Variants in NCOR2 observed in about 807,000 individuals in gnomAD.
The protein encoded by NCOR2 is nuclear receptor corepressor 2.
In NCOR2, 81 loss-of-function variants were observed where a neutral mutation model predicts 262.9. That is an observed-to-expected ratio of 0.31 (90% CI 0.26 to 0.37). The LOEUF (loss-of-function observed/expected upper bound fraction) is 0.37. NCOR2 is among the 10% of genes least tolerant of loss of function. The pLI is 1.00. For missense variants in NCOR2, 3,385 were observed against 3,621.4 expected (o/e 0.93, Z 1.68); for synonymous variants, 1,659 against 1,559.3 (o/e 1.06, Z -1.51).
chr12:124,455,773 TGA>T (rs753022912), intron 6 of NCOR2, among the ~76,000 whole-genome samples: 1 of 152,138 alleles, frequency 6.6e-6, no homozygotes, highest in Non-Finnish European at 1.5e-5. Context: ...CTGTCCCAGA[TGA>T]GAGAGCACTG....
intron 1 of NCOR2, among the ~76,000 whole-genome samples, chr12:124,535,184 G>A (rs188950240): frequency 4.1e-4 from 63 of 152,286 alleles, no homozygotes; most frequent in African/African-American, 1.5e-3. Flanking sequence ...TGGGCCCATC[G>A]ACAGGCCCCA....
At chr12:124,425,386 GA>G (rs969299874) in intron 11 of NCOR2, among the ~76,000 whole-genome samples, 4 of 149,586 alleles carry the variant, frequency 2.7e-5, no homozygotes, top group Non-Finnish European at 4.5e-5. Flanking sequence ...AAAGAAGAAA[GA>G]AAAAAAGGAA....
At chr12:124,551,046 G>C (rs2137258416) in intron 1 of NCOR2, among the ~76,000 whole-genome samples, 1 of 152,368 alleles carries the variant, frequency 6.6e-6, no homozygotes, top group East Asian at 1.9e-4. Flanking sequence ...GTGAAAACCT[G>C]TAATCATACA....
exon 2 of NCOR2, chr12:124,486,500 G>C: frequency 6.2e-7 from 1 of 1,609,920 alleles, no homozygotes; most frequent in Non-Finnish European, 8.5e-7. Flanking sequence ...GGGGCTGGAT[G>C]ATGGAGCCGG....
At chr12:124,520,408 A>C (rs1243170853) in intron 1 of NCOR2, among the ~76,000 whole-genome samples, 1 of 151,504 alleles carries the variant, frequency 6.6e-6, no homozygotes, top group Non-Finnish European at 1.5e-5. Context: ...AGGCCTCACC[A>C]CCTCCTTCTG....
chr12:124,477,865 TA>T (rs11312355), intron 3 of NCOR2, among the ~76,000 whole-genome samples: 17,557 of 152,236 alleles, frequency 0.12, 1,086 homozygotes, highest in East Asian at 0.16. Context: ...GCCCCTGGTG[TA>T]AAACTTCAAG....
chr12:124,334,522 G>A (rs755035505), exon 41 of NCOR2: 28 of 1,437,868 alleles, frequency 1.9e-5, no homozygotes, highest in South Asian at 3.1e-5. Context: ...GGTCCAGGAC[G>A]GGGCAGCTGG....
exon 41 of NCOR2, chr12:124,334,552 G>T (rs869356): frequency 4.2e-6 from 6 of 1,422,418 alleles, no homozygotes; most frequent in South Asian, 1.6e-5. Context: ...AGGAGTAGAG[G>T]GGGGCGGGCA....
chr12:124,386,656 T>A (rs2040827342), intron 16 of NCOR2, among the ~76,000 whole-genome samples: 1 of 152,052 alleles, frequency 6.6e-6, no homozygotes, highest in South Asian at 2.1e-4. Flanking sequence ...GCTCCCTCCA[T>A]CACTAGGTCT....
intron 7 of NCOR2, among the ~76,000 whole-genome samples, chr12:124,447,127 C>T (rs762247787): frequency 6.6e-6 from 1 of 152,218 alleles, no homozygotes; most frequent in Non-Finnish European, 1.5e-5. Context: ...GTCGGCCAGG[C>T]TGGTCTCGAA....
Position 124,541,558 on chromosome 12 carries a change from G to T in NCOR2, c.-164-5947C>A, listed in dbSNP as rs115011505. ...AGGGAAGGGGAGTGGTGATGGAGGG[G>T]TATGAGGAGTGGAGATTGAAGGGGA... is the stretch of plus-strand genomic sequence containing the variant. On this transcript the variant is annotated intron_variant, in intron 1 of 32. Coordinates refer to the NCOR2 transcript ENST00000458234. 7.8e-3 allele frequency among the ~76,000 whole-genome samples: 166 copies of T among 21,308 alleles called. 11 individuals carry two copies. The highest frequency in any genetic ancestry group is 0.048 in the African/African-American group (156 of 3,238). The allele number at this position is 21,308 out of a possible 152,430, so 14.0% of individuals were successfully genotyped here. A position where few individuals can be genotyped will look rare whatever the true frequency, so the allele number is the denominator to read the frequency against.
exon 20 of NCOR2, chr12:124,372,365 C>T (rs1204699305): frequency 6.6e-7 from 1 of 1,513,022 alleles, no homozygotes. Flanking sequence ...TCCTTGGGGA[C>T]CACAGGAGGA....
intron 8 of NCOR2, among the ~76,000 whole-genome samples, chr12:124,437,635 G>A (rs544016375): frequency 6.6e-6 from 1 of 152,300 alleles, no homozygotes; most frequent in African/African-American, 2.4e-5. Context: ...GCCCAGGACA[G>A]GTCCCGTGAC....
At position 124,443,157 on chromosome 12, in the gene NCOR2, G is replaced by A. The variant is rs79805242; in HGVS notation, c.816-5161C>T. On this transcript the variant is annotated intron_variant, in intron 7 of 46. Coordinates refer to ENST00000405201, the Ensembl canonical transcript of NCOR2. This position sits in a 1 kb window ranked among gnomAD's most constrained non-coding sequence, Gnocchi z 4.4. ...CGGCCGAGTGTTAAGGCAGCGCTGA[G>A]AAGCTAGTCCGGCGTGTGATCTTCC... 0.017 allele frequency among the ~76,000 whole-genome samples: 2,655 copies of A among 152,362 alleles called. 44 individuals are homozygous for A. The highest frequency in any genetic ancestry group is 0.03 in the Non-Finnish European group (2,011 of 68,032).
chr12:124,489,210 C>T (rs1192092846), intron 1 of NCOR2, among the ~76,000 whole-genome samples: 2 of 152,098 alleles, frequency 1.3e-5, no homozygotes, highest in Admixed American at 1.3e-4. Context: ...ACCACCTCGC[C>T]ACGTCTCCAA....
upstream of NCOR2, among the ~76,000 whole-genome samples, chr12:124,498,324 G>T (rs2048484240): frequency 6.6e-6 from 1 of 152,166 alleles, no homozygotes; most frequent in Admixed American, 6.5e-5. Flanking sequence ...CCGTCCTAAA[G>T]TGCCCCGCAG....
intron 1 of NCOR2, among the ~76,000 whole-genome samples, chr12:124,558,915 G>A (rs752570441): frequency 9.2e-5 from 14 of 152,274 alleles, no homozygotes; most frequent in Non-Finnish European, 1.8e-4. Context: ...ATTGCCCAAG[G>A]CCATGTCACT....
chr12:124,395,476 C>T (rs143834299), intron 16 of NCOR2, among the ~76,000 whole-genome samples: 18 of 152,330 alleles, frequency 1.2e-4, no homozygotes, highest in East Asian at 3.9e-4. Context: ...GCAGGGCCTC[C>T]GCGTGCACGG....
intron 7 of NCOR2, among the ~76,000 whole-genome samples, chr12:124,441,678 T>G (rs2044820429): frequency 6.6e-6 from 1 of 152,216 alleles, no homozygotes; most frequent in Admixed American, 6.5e-5. Context: ...CAAATCTATA[T>G]TCCTCCCTCC....
Sources: gnomAD v4.1 joint callset for allele counts (sites outside exome capture counted in the v4.1 genomes callset) on GRCh38, gnomAD v4.1.1 for gene constraint, Gnocchi (gnomAD v3.1) non-coding constraint, MANE v1.5 for transcripts, NCBI Gene and HGNC (gene_info 2026-07-23, HGNC 2026-07-21) for gene names.